RAP1GDS1: variants seen among roughly 807,000 people sequenced by gnomAD.
RAP1GDS1 encodes the protein RAP1, GTP-GDP dissociation stimulator 1.
In RAP1GDS1, 35 loss-of-function variants were observed where a neutral mutation model predicts 71.1. The observed-to-expected ratio is 0.49, with a 90% CI of 0.38 to 0.65. The LOEUF (loss-of-function observed/expected upper bound fraction) is 0.65. Among genes scored for constraint, RAP1GDS1 ranks in the 30% least tolerant of loss-of-function variants. The pLI is 0.00. For synonymous variants in RAP1GDS1, 229 were observed against 243.1 expected, an observed-to-expected ratio of 0.94 and a Z score of 0.54; for missense variants, 663 against 706.1, an observed-to-expected ratio of 0.94 and a Z score of 0.69.
chr4:98,272,142 T>C (rs1304245437), intron 1 of RAP1GDS1, among the ~76,000 whole-genome samples: 1 of 152,198 alleles, frequency 6.6e-6, no homozygotes, highest in East Asian at 1.9e-4. Context: ...TTGTAGGCCA[T>C]GAGGCGGAAT....
At chr4:98,326,801 A>G (rs1391917983) in intron 2 of RAP1GDS1, among the ~76,000 whole-genome samples, 1 of 152,186 alleles carries the variant, frequency 6.6e-6, no homozygotes, top group Non-Finnish European at 1.5e-5. Context: ...CATGTGAGCC[A>G]TGGTGATTTT....
intron 2 of RAP1GDS1, among the ~76,000 whole-genome samples, chr4:98,314,369 GTGAGAGAATCTTATCAAGATTCTTAA>G (rs1379147113): frequency 3.9e-5 from 6 of 152,154 alleles, no homozygotes; most frequent in African/African-American, 9.7e-5. Flanking sequence ...AGTTTCCTTG[GTGAGAGAATCTTATCAAGATTCTTAA>G]TGAGAGAATC....
intron 2 of RAP1GDS1, among the ~76,000 whole-genome samples, chr4:98,337,710 A>G (rs1734900584): frequency 6.6e-6 from 1 of 152,160 alleles, no homozygotes; most frequent in Non-Finnish European, 1.5e-5. Flanking sequence ...GTGTGAGTCT[A>G]ATGAGTAGGA....
intron 1 of RAP1GDS1, among the ~76,000 whole-genome samples, chr4:98,274,796 A>C (rs1212519396): frequency 6.6e-6 from 1 of 152,222 alleles, no homozygotes; most frequent in African/African-American, 2.4e-5. Flanking sequence ...GAGCCAAAGA[A>C]AACCTCTACA....
chr4:98,329,735 G>A lies in RAP1GDS1; in HGVS notation c.113-13404G>A, dbSNP rs531751157. Among the ~76,000 whole-genome samples the A allele has an allele frequency of 2.6e-4, 37 of 142,058 alleles. 1 individual carries two copies. The highest frequency in any genetic ancestry group is 9.6e-4 in the African/African-American group (36 of 37,310). The allele number at this position is 142,058 out of a possible 152,430, so 93.2% of individuals were successfully genotyped here. On this transcript the variant is annotated intron_variant, in intron 2 of 14. Transcript: ENST00000408927. Reference sequence around the variant, plus strand: ...ACCCAGGAGGCAGAGGTTGCAGTGAGCCAAGATCATGCCATTGCATTCCAG... The same window carrying A: ...ACCCAGGAGGCAGAGGTTGCAGTGAACCAAGATCATGCCATTGCATTCCAG...
chr4:98,359,197 A>G (rs1056428075), intron 4 of RAP1GDS1, among the ~76,000 whole-genome samples: 3 of 152,148 alleles, frequency 2.0e-5, no homozygotes, highest in Non-Finnish European at 4.4e-5. Context: ...GCCCTAAAAT[A>G]AGATTTACGG....
At chr4:98,291,190 G>A (rs1411452889) in intron 1 of RAP1GDS1, among the ~76,000 whole-genome samples, 2 of 152,096 alleles carry the variant, frequency 1.3e-5, no homozygotes, top group African/African-American at 2.4e-5. Context: ...GCGATTGAGT[G>A]GGTAAGAAGT....
chr4:98,296,815 C>A (rs1727823306), intron 2 of RAP1GDS1: 1 of 269,746 alleles, frequency 3.7e-6, no homozygotes, highest in South Asian at 3.5e-5. Context: ...GCATCTAAAT[C>A]ACCTTGCAAG....
intron 3 of RAP1GDS1, among the ~76,000 whole-genome samples, chr4:98,348,915 G>A (rs1045935613): frequency 3.3e-5 from 5 of 152,220 alleles, no homozygotes; most frequent in Middle Eastern, 3.4e-3. Flanking sequence ...CATTCTGTAC[G>A]TTGCCTGTTC....
At position 98,352,507 on chromosome 4, in the gene RAP1GDS1, A is replaced by G. The variant is rs1333719366; in HGVS notation, c.267A>G (p.Gly89=). The change falls in exon 4 of 15, where the codon GGA becomes GGG. Residue 89 remains glycine, a synonymous_variant. Coordinates refer to ENST00000408927, the MANE Select transcript of RAP1GDS1 (RefSeq NM_001100427.2). ...TGCGAATTCCATGTGTGGATGCTGGATTGATTTCACCACTGGTGCAGCTGC... is the reference window on the plus strand; with the variant it reads ...TGCGAATTCCATGTGTGGATGCTGGGTTGATTTCACCACTGGTGCAGCTGC... ...EFMRIPCVDA[G]LISPLVQLLN... 1 of 1,613,892 alleles carries G rather than the reference A, an allele frequency of 6.2e-7. No homozygotes were observed. Among genetic ancestry groups the G allele is most frequent in the African/African-American group, 1.3e-5 (1 of 74,924 alleles).
At chr4:98,409,882 G>A (rs974968565) in intron 7 of RAP1GDS1, 1 of 168,912 alleles carries the variant, frequency 5.9e-6, no homozygotes, top group Non-Finnish European at 1.3e-5. Context: ...TAAAATGTAA[G>A]CTAGGAGAAT....
At chr4:98,288,750 T>A (rs922457894) in intron 1 of RAP1GDS1, among the ~76,000 whole-genome samples, 4 of 152,186 alleles carry the variant, frequency 2.6e-5, no homozygotes, top group Non-Finnish European at 5.9e-5. Flanking sequence ...GGTATCTCAT[T>A]GTGGTTTTGA....
chr4:98,347,612 A>G (rs1320208747), intron 3 of RAP1GDS1, among the ~76,000 whole-genome samples: 1 of 152,192 alleles, frequency 6.6e-6, no homozygotes, highest in African/African-American at 2.4e-5. Context: ...AATGGCATCC[A>G]CTAACGTTGA....
chr4:98,307,534 A>G (rs549810534), intron 2 of RAP1GDS1, among the ~76,000 whole-genome samples: 4 of 151,990 alleles, frequency 2.6e-5, no homozygotes, highest in African/African-American at 9.7e-5. Context: ...TCTTATTCTA[A>G]TCTTCTTTTT....
intron 4 of RAP1GDS1, among the ~76,000 whole-genome samples, chr4:98,369,115 T>G (rs933194741): frequency 6.6e-6 from 1 of 152,080 alleles, no homozygotes; most frequent in African/African-American, 2.4e-5. Flanking sequence ...CCATCTGATC[T>G]CATGAGACTC....
Position 98,433,987 on chromosome 4 carries a change from A to C in RAP1GDS1, c.1492A>C (p.Met498Leu). The change falls in exon 13 of 15, where the codon ATG becomes CTG. Residue 498 changes from methionine (M) to leucine (L), a missense_variant. Coordinates refer to ENST00000408927, the MANE Select transcript of RAP1GDS1 (RefSeq NM_001100427.2). ...TGGTGGCATCAAGCATCTAGTTACC[A>C]TGGCAACTAGTGAACATGTAATAAT... Reference protein sequence around the residue: ...QSGGIKHLVTMATSEHVIMQN... With the variant: ...QSGGIKHLVTLATSEHVIMQN... 1 of 1,613,076 alleles carries C rather than the reference A, an allele frequency of 6.2e-7. No individual in the cohort carries two copies. Among genetic ancestry groups the C allele is most frequent in the East Asian group, 2.2e-5 (1 of 44,860 alleles).
chr4:98,357,589 A>G (rs1018407941), intron 4 of RAP1GDS1, among the ~76,000 whole-genome samples: 1 of 151,960 alleles, frequency 6.6e-6, no homozygotes, highest in Non-Finnish European at 1.5e-5. Flanking sequence ...AGAAAATAAA[A>G]TGAACAAAGG....
rs560757952 is a variant in RAP1GDS1, at chr4:98,298,230, G to C, written c.112+4715G>C. Among the ~76,000 whole-genome samples the C allele has an allele frequency of 2.6e-5, 4 of 152,334 alleles. No homozygotes were observed. The South Asian group carries it at 8.3e-4, about 32-fold the overall frequency. ...GAAAGTGAAAGATGAAGCAGCAGCT[G>C]CTGATGGAGAAGCTGAAGCAAGTTA... is the stretch of plus-strand genomic sequence containing the variant. On this transcript the variant is annotated intron_variant, in intron 2 of 14. Coordinates refer to ENST00000408927, the MANE Select transcript of RAP1GDS1 (RefSeq NM_001100427.2).
intron 7 of RAP1GDS1, among the ~76,000 whole-genome samples, chr4:98,412,637 A>T (rs1282713355): frequency 6.6e-6 from 1 of 152,208 alleles, no homozygotes; most frequent in Admixed American, 6.5e-5. Context: ...TACAAAGATG[A>T]GTAAGGTGTA....
Sources: allele counts gnomAD v4.1 joint callset (sites outside exome capture counted in the v4.1 genomes callset), GRCh38; gene constraint gnomAD v4.1.1; transcripts MANE v1.5; gene names NCBI Gene and HGNC (gene_info 2026-07-23, HGNC 2026-07-21).